Variants in XRN2 observed in about 807,000 individuals in gnomAD.
The protein encoded by XRN2 is 5'-3' exoribonuclease 2.
In XRN2, 44 loss-of-function variants were observed where a neutral mutation model predicts 138.5. That is an observed-to-expected ratio of 0.32 (90% confidence interval 0.25 to 0.41). The LOEUF (loss-of-function observed/expected upper bound fraction) is 0.41. XRN2 is among the 10% of genes least tolerant of loss of function. The pLI, the probability that XRN2 is intolerant of heterozygous loss-of-function variation, is 1.00. For synonymous variants in XRN2, 354 were observed against 369.4 expected (o/e 0.96, Z 0.48); for missense variants, 937 against 1,169.3 (o/e 0.80, Z 2.90).
chr20:21,356,510 A>G (rs779077374), intron 22 of XRN2, 76 bp from the exon 23 acceptor site: 102 of 1,348,364 alleles, frequency 7.6e-5, no homozygotes, highest in Non-Finnish European at 9.5e-5. Flanking sequence ...TGATGCTGCT[A>G]TGAACACTCA....
At chr20:21,340,566 C>T (rs1423566141) in intron 14 of XRN2, among the ~76,000 whole-genome samples, 155 bp from the exon 15 acceptor site, 1 of 152,164 alleles carries the variant, frequency 6.6e-6, no homozygotes, top group Non-Finnish European at 1.5e-5. Flanking sequence ...AAAGTGTAGA[C>T]AACCTTGTAA....
rs771900726 is a variant in XRN2 at position 21,382,076 on chromosome 20, A to G, written c.2648+19A>G. ...TTGACAGGTAATATTAAAAGTAGAC[A>G]TGACTTTTAAATACTTTCTGACACC... On this transcript the variant is annotated intron_variant, in intron 28 of 29. Coordinates refer to ENST00000377191, the MANE Select transcript of XRN2 (RefSeq NM_012255.5). 11 of 1,596,296 alleles carry G rather than the reference A, an allele frequency of 6.9e-6. No individual in the cohort carries two copies. Among genetic ancestry groups the G allele is most frequent in the African/African-American group, 1.3e-5 (1 of 74,156 alleles).
chr20:21,351,752 A>C (rs981592308), intron 20 of XRN2, among the ~76,000 whole-genome samples: 1 of 152,186 alleles, frequency 6.6e-6, no homozygotes, highest in Non-Finnish European at 1.5e-5. Flanking sequence ...ATTTTGAATT[A>C]ATTTTTGTAT....
intron 26 of XRN2, among the ~76,000 whole-genome samples, chr20:21,368,094 T>G (rs1477184103): frequency 6.6e-6 from 1 of 152,186 alleles, no homozygotes; most frequent in Non-Finnish European, 1.5e-5. Flanking sequence ...TTTGATATAG[T>G]AAATTAAAAA....
At chr20:21,357,707 G>A (rs764479757) in intron 23 of XRN2, 29 bp from the exon 24 acceptor site, 1 of 1,561,056 alleles carries the variant, frequency 6.4e-7, no homozygotes, top group Non-Finnish European at 8.7e-7. Context: ...AGTTTACAGA[G>A]AGATGTTTCT....
chr20:21,340,683 T>C (rs775653098), intron 14 of XRN2, 38 bp from the exon 15 acceptor site: 1 of 1,601,834 alleles, frequency 6.2e-7, no homozygotes, highest in Non-Finnish European at 8.5e-7. Flanking sequence ...TGTGTTGTGA[T>C]TTAATTTTAA....
At chr20:21,313,010 T>A (rs968716740) in intron 1 of XRN2, among the ~76,000 whole-genome samples, 5 of 152,086 alleles carry the variant, frequency 3.3e-5, no homozygotes, top group African/African-American at 1.2e-4. Flanking sequence ...AGAAGTGAGG[T>A]ACAGAAACAG....
At chr20:21,313,270 G>C (rs2037909325) in intron 1 of XRN2, among the ~76,000 whole-genome samples, 1 of 152,208 alleles carries the variant, frequency 6.6e-6, no homozygotes, top group Non-Finnish European at 1.5e-5. Flanking sequence ...GCTCCCTACA[G>C]TTTCCCCCTC....
At position 21,381,984 on chromosome 20, in the gene XRN2, T is replaced by C; in HGVS notation, c.2585-10T>C. On this transcript the variant is annotated splice_polypyrimidine_tract_variant and intron_variant, in intron 27 of 29. Coordinates refer to ENST00000377191, the MANE Select transcript of XRN2 (RefSeq NM_012255.5). The stretch of plus-strand genomic sequence containing the variant: ...AAAATCTTCTTAACCCTTTCCTGTT[T>C]CTTTTTCAGATATGAGGCCCCAGGA... 6.2e-7 allele frequency: 1 copy of C among 1,605,526 alleles called. No homozygotes were observed. Among genetic ancestry groups the C allele is most frequent in the Middle Eastern group, 1.7e-4 (1 of 6,008 alleles).
chr20:21,322,096 C>G lies in XRN2; in HGVS notation c.76-4183C>G, dbSNP rs144335313. On this transcript the variant is annotated intron_variant, in intron 1 of 29. Transcript: ENST00000377191. ...CTTAACCTCTCTAAGCATTTGTGTT[C>G]TTAATTGTAAGTGGGATACTCCAGA... Among the ~76,000 whole-genome samples, 509 of 152,256 alleles carry G rather than the reference C, an allele frequency of 3.3e-3. 4 individuals are homozygous for G. Among genetic ancestry groups the G allele is most frequent in the African/African-American group, 0.012 (489 of 41,538 alleles).
At chr20:21,383,748 G>A (rs2038910112) in intron 28 of XRN2, among the ~76,000 whole-genome samples, 2 of 152,094 alleles carry the variant, frequency 1.3e-5, no homozygotes, top group African/African-American at 4.8e-5. Flanking sequence ...TGTCCATCAG[G>A]TTTTGTTCTT....
chr20:21,318,101 C>G (rs1166674846), intron 1 of XRN2, among the ~76,000 whole-genome samples: 1 of 152,140 alleles, frequency 6.6e-6, no homozygotes, highest in Non-Finnish European at 1.5e-5. Flanking sequence ...ATTGCTTTAA[C>G]TTGTTATGGG....
In XRN2 at chr20:21,331,580, G is replaced by A; in HGVS notation, c.596G>A (p.Ser199Asn). The change falls in exon 7 of 30, where the codon AGT (serine) becomes AAT (asparagine). Residue 199 changes from serine (S) to asparagine (N), a missense_variant. Physicochemically the swap from Ser to Asn is conservative, Grantham distance 46 (BLOSUM62 1). Transcript: ENST00000377191. ...TTATAGGTTATTTTATCTGATGCTA[G>A]TGCTCCTGGTGAAGGAGAACATAAA... ...KNLTVILSDA[S>N]APGEGEHKIM... 6.2e-7 allele frequency: 1 copy of A among 1,612,156 alleles called. No homozygotes were observed. The highest frequency in any genetic ancestry group is 8.5e-7 in the Non-Finnish European group (1 of 1,179,654).
Position 21,346,560 on chromosome 20 carries a change from G to T in XRN2, c.1665+10G>T, listed in dbSNP as rs779654166. ...TAGATATTATTACCAGGTACAAAAA[G>T]AATATTTTCCTCTGAATTTGTAGTT... On this transcript the variant is annotated intron_variant, in intron 17 of 29. Transcript: ENST00000377191. 18 of 1,609,198 alleles carry T rather than the reference G, an allele frequency of 1.1e-5. No homozygotes were observed. The highest frequency in any genetic ancestry group is 1.7e-4 in the Middle Eastern group (1 of 6,040).
intron 24 of XRN2, among the ~76,000 whole-genome samples, chr20:21,362,827 G>C (rs377249683): frequency 9.9e-5 from 15 of 151,958 alleles, no homozygotes; most frequent in African/African-American, 3.4e-4. Flanking sequence ...GTAGCAGTTT[G>C]TGTCCTGTAT....
intron 28 of XRN2, 142 bp downstream of exon 28, chr20:21,382,199 A>G (rs897375338): frequency 3.8e-6 from 2 of 527,280 alleles, no homozygotes; most frequent in African/African-American, 3.9e-5. Context: ...CCTATCCTTT[A>G]AGAAAATATA....
chr20:21,319,205 G>GT (rs2038004326), intron 1 of XRN2, among the ~76,000 whole-genome samples: 1 of 151,996 alleles, frequency 6.6e-6, no homozygotes, highest in Admixed American at 6.6e-5. Context: ...AGCCACTCCA[G>GT]TTTTCTTGTG....
Position 21,332,290 on chromosome 20 carries a change from C to T in XRN2, c.708C>T (p.Leu236=), listed in dbSNP as rs1378346707. ...CTCATTGTTGATTGATAGCTGATCT[C>T]ATTATGCTTGGCCTTGCCACACATG... ...HHCLCGADAD[L]IMLGLATHEP... The change falls in exon 9 of 30, where the codon CTC becomes CTT. Residue 236 remains leucine, a synonymous_variant. Transcript: ENST00000377191. The T allele has an allele frequency of 3.7e-6, 6 of 1,611,586 alleles. No individual in the cohort carries two copies. The Admixed American group carries it at 8.4e-5, about 23-fold the overall frequency.
intron 29 of XRN2, among the ~76,000 whole-genome samples, chr20:21,388,574 ATGT>A (rs966784443): frequency 2.6e-5 from 4 of 152,174 alleles, no homozygotes; most frequent in Admixed American, 2.6e-4. Flanking sequence ...GAGTCTGCAC[ATGT>A]TCATGTTTAA....
Sources: allele counts gnomAD v4.1 joint callset (sites outside exome capture counted in the v4.1 genomes callset), GRCh38; gene constraint gnomAD v4.1.1; transcripts MANE v1.5; gene names NCBI Gene and HGNC (gene_info 2026-07-23, HGNC 2026-07-21).